The following ALDH1A2 variants were observed in gnomAD, a reference collection of about 807,000 sequenced individuals.
ALDH1A2 encodes the protein aldehyde dehydrogenase 1 family member A2.
In ALDH1A2, 27 loss-of-function variants were observed where a neutral mutation model predicts 60.3. That is an observed-to-expected ratio of 0.45 (90% CI 0.33 to 0.62). The LOEUF (loss-of-function observed/expected upper bound fraction) is 0.62, where lower values mean the gene tolerates loss of function less well. ALDH1A2 is among the 20% of genes least tolerant of loss of function. ALDH1A2 has a pLI of 0.02. For missense variants in ALDH1A2, 581 were observed against 643.8 expected, an observed-to-expected ratio of 0.90 and a Z score of 1.06; for synonymous variants, 289 against 232.4, an observed-to-expected ratio of 1.24 and a Z score of -2.21.
At chr15:57,968,050 A>C (rs1446314824) in intron 7 of ALDH1A2, among the ~76,000 whole-genome samples, 10 of 152,162 alleles carry the variant, frequency 6.6e-5, no homozygotes, top group African/African-American at 2.2e-4. Flanking sequence ...GTGTTCCCTG[A>C]GGATGCTGTC....
In ALDH1A2 at chr15:57,971,023, T is replaced by C. The variant is rs372187596; in HGVS notation, c.799-5196A>G. On this transcript the variant is annotated intron_variant, in intron 7 of 12. Coordinates refer to ENST00000249750, the MANE Select transcript of ALDH1A2 (RefSeq NM_003888.4). ...AGGACCAAGGCATCTAAGCAGTTCC[T>C]TTAAGTGGTAACAGCAGTTTAAACC... Among the ~76,000 whole-genome samples the C allele has an allele frequency of 3.9e-5, 6 of 152,356 alleles. No individual in the cohort carries two copies. In the East Asian group the frequency reaches 7.7e-4, roughly 20 times the overall value.
intron 1 of ALDH1A2, among the ~76,000 whole-genome samples, chr15:58,052,770 G>A (rs1896807258): frequency 6.6e-6 from 1 of 152,116 alleles, no homozygotes; most frequent in Non-Finnish European, 1.5e-5. Flanking sequence ...CTAATGCCCT[G>A]TCCAGTGCCT....
intron 4 of ALDH1A2, among the ~76,000 whole-genome samples, chr15:58,001,034 T>TAA (rs10641902): frequency 0.049 from 6,226 of 126,190 alleles, 235 homozygotes; most frequent in Middle Eastern, 0.12. Flanking sequence ...TCAAAATTGT[T>TAA]AAAAAAAAAA....
chr15:58,058,468 CAAAA>C (rs1188637852), intron 1 of ALDH1A2, among the ~76,000 whole-genome samples: 17 of 23,564 alleles, frequency 7.2e-4, no homozygotes, highest in African/African-American at 2.0e-3. Flanking sequence ...AAATGATATT[CAAAA>C]AAAAAAAAAA....
intron 7 of ALDH1A2, among the ~76,000 whole-genome samples, chr15:57,971,335 T>C (rs1240569043): frequency 6.6e-6 from 1 of 152,244 alleles, no homozygotes; most frequent in Admixed American, 6.5e-5. Flanking sequence ...GTTCCTTCTC[T>C]GATCTCACAG....
chr15:58,014,088 T>C (rs773509612), intron 2 of ALDH1A2, 89 bp downstream of exon 2: 136 of 1,613,822 alleles, frequency 8.4e-5, no homozygotes, highest in Non-Finnish European at 1.1e-4. Context: ...AGCATGAGCA[T>C]GTAGTGGTGT....
intron 1 of ALDH1A2, among the ~76,000 whole-genome samples, chr15:58,018,086 T>C (rs1895833487): frequency 6.6e-6 from 1 of 152,124 alleles, no homozygotes; most frequent in Non-Finnish European, 1.5e-5. Context: ...CCAGGGCTCC[T>C]TGGAGAAATG....
intron 1 of ALDH1A2, among the ~76,000 whole-genome samples, chr15:58,052,969 T>C (rs1353605067): frequency 1.3e-5 from 2 of 152,192 alleles, no homozygotes; most frequent in Admixed American, 6.5e-5. Flanking sequence ...ATTTTAACTA[T>C]TAATGACTCT....
Position 58,065,619 on chromosome 15 carries a change from T to G in ALDH1A2, c.32A>C (p.Glu11Ala). The change falls in exon 1 of 13, where the codon GAG (glutamate) becomes GCG (alanine). Residue 11 changes from glutamate to alanine, a missense_variant. By Grantham distance (107) the Glu-to-Ala change is moderately radical. Coordinates refer to ENST00000249750, the MANE Select transcript of ALDH1A2 (RefSeq NM_003888.4). Reference protein sequence around the residue: MTSSKIEMPGEVKADPAALMA... With the variant: MTSSKIEMPGAVKADPAALMA... The stretch of plus-strand genomic sequence containing the variant: ...GAGGGCGGCGGGGTCGGCCTTCACC[T>G]CGCCGGGCATCTCTATCTTGCTGGA... 1.2e-6 allele frequency: 2 copies of G among 1,606,946 alleles called. No homozygotes were observed. Among genetic ancestry groups the G allele is most frequent in the Non-Finnish European group, 1.7e-6 (2 of 1,176,314 alleles).
At chr15:57,992,848 C>G in intron 6 of ALDH1A2, 30 bp from the exon 7 acceptor site, 3 of 1,613,700 alleles carry the variant, frequency 1.9e-6, no homozygotes, top group Non-Finnish European at 2.5e-6. Context: ...GGAAACGTGG[C>G]TGATGAAAGC....
rs550826900 is a variant in ALDH1A2 at position 58,015,678 on chromosome 15, A to C, written c.118-1397T>G. ...ATTTAGTACTTACAATAACCCCGTG[A>C]AGCAGGGTTTTCTCTCTATTACACA... On this transcript the variant is annotated intron_variant, in intron 1 of 12. Transcript: ENST00000249750. 5.7e-4 allele frequency among the ~76,000 whole-genome samples: 87 copies of C among 152,290 alleles called. 2 individuals are homozygous for C. In the South Asian group the frequency reaches 0.018, roughly 31 times the overall value.
In ALDH1A2 at chr15:58,027,281, C is replaced by T. The variant is rs574678907; in HGVS notation, c.118-13000G>A. Among the ~76,000 whole-genome samples the T allele has an allele frequency of 7.2e-5, 11 of 152,312 alleles. No individual in the cohort carries two copies. In the South Asian group the frequency reaches 2.3e-3, roughly 32 times the overall value. On this transcript the variant is annotated intron_variant, in intron 1 of 12. Transcript: ENST00000249750. ...ACAGTGGACCTACAGCAAACTCCAA[C>T]AGACCTGCAGCTGAGGGGCCTGACT...
intron 1 of ALDH1A2, 70 bp from the exon 2 acceptor site, chr15:58,014,351 A>G (rs1385912390): frequency 1.2e-5 from 14 of 1,133,434 alleles, no homozygotes; most frequent in Non-Finnish European, 1.9e-5. Flanking sequence ...GCCAAGTGTT[A>G]CGGAACTACT....
In ALDH1A2 at chr15:58,002,994, G is replaced by C. The variant is rs1266401893; in HGVS notation, c.493+7655C>G. ...ACTGTATGTTAGTATGAAGTGTACT[G>C]ATGCTTTTCTTCCCAGAAGTCTGCT... On this transcript the variant is annotated intron_variant, in intron 4 of 12. Coordinates refer to ENST00000249750, the MANE Select transcript of ALDH1A2 (RefSeq NM_003888.4). 2.0e-5 allele frequency among the ~76,000 whole-genome samples: 3 copies of C among 151,984 alleles called. No homozygotes were observed. The East Asian group carries it at 5.8e-4, about 29-fold the overall frequency.
chr15:58,038,097 T>C (rs1391853110), intron 1 of ALDH1A2, among the ~76,000 whole-genome samples: 1 of 151,712 alleles, frequency 6.6e-6, no homozygotes, highest in African/African-American at 2.4e-5. Flanking sequence ...TGGGTTTCCC[T>C]GGTCTCTTCC....
chr15:57,970,250 A>G lies in ALDH1A2; in HGVS notation c.799-4423T>C, dbSNP rs34935935. Among the ~76,000 whole-genome samples, 1,409 of 152,316 alleles carry G rather than the reference A, an allele frequency of 9.3e-3. 17 individuals are homozygous for G. Among genetic ancestry groups the G allele is most frequent in the Non-Finnish European group, 0.015 (1,045 of 68,020 alleles). The stretch of plus-strand genomic sequence containing the variant: ...AGAGCTCCTTATGAAAGAGTAAGTG[A>G]TAGTGTTCCTATCATGCAGTTCCTT... On this transcript the variant is annotated intron_variant, in intron 7 of 12. Transcript: ENST00000249750.
At chr15:57,992,629 C>T (rs1894933041) in intron 7 of ALDH1A2, 76 bp downstream of exon 7, 1 of 1,336,820 alleles carries the variant, frequency 7.5e-7, no homozygotes, top group Non-Finnish European at 1.1e-6. Flanking sequence ...CCTATGGGTA[C>T]TAGTTTTATT....
At chr15:58,065,368 C>T (rs1897150017) in intron 1 of ALDH1A2, 166 bp downstream of exon 1, 1 of 729,488 alleles carries the variant, frequency 1.4e-6, no homozygotes, top group African/African-American at 1.7e-5. Flanking sequence ...CTTCAAACGC[C>T]CCAGTCCCGA....
intron 12 of ALDH1A2, among the ~76,000 whole-genome samples, chr15:57,960,155 T>C (rs1173848319): frequency 6.6e-6 from 1 of 152,216 alleles, no homozygotes; most frequent in Admixed American, 6.5e-5. Flanking sequence ...ATTCTTTCAA[T>C]GTTATTAGTT....
Sources: gnomAD v4.1 joint callset for allele counts (sites outside exome capture counted in the v4.1 genomes callset) on GRCh38, gnomAD v4.1.1 for gene constraint, MANE v1.5 for transcripts, NCBI Gene and HGNC (gene_info 2026-07-23, HGNC 2026-07-21) for gene names.